The following HOXD13 variants were observed in gnomAD, a reference collection of about 807,000 sequenced individuals.
The protein encoded by HOXD13 is homeobox D13.
A neutral mutation model predicts 27.3 loss-of-function variants in HOXD13; 16 were observed. The observed-to-expected ratio is 0.59, with a 90% confidence interval of 0.40 to 0.89. The LOEUF is 0.89. Ranked by LOEUF, HOXD13 falls within the 40% of genes least tolerant of loss-of-function variation. The pLI, the probability that HOXD13 is intolerant of heterozygous loss-of-function variation, is 0.00. For missense variants in HOXD13, 481 were observed against 482.6 expected (o/e 1.00, Z 0.03); for synonymous variants, 241 against 219.0 (o/e 1.10, Z -0.89).
At position 176,095,153 on chromosome 2, in the gene HOXD13, G is replaced by A. The variant is rs1689394219; in HGVS notation, c.*423G>A. On this transcript the variant is annotated 3_prime_UTR_variant, in exon 2 of 2. Transcript: ENST00000392539. Reference sequence around the variant, plus strand: ...TCTTCATAATCCATTAGGACAGAATGGTTTTCAGTCGTTCATATCCTGTAA... The same window carrying A: ...TCTTCATAATCCATTAGGACAGAATAGTTTTCAGTCGTTCATATCCTGTAA... The A allele has an allele frequency of 3.6e-6, 1 of 275,920 alleles. No individual in the cohort carries two copies. The highest frequency in any genetic ancestry group is 6.9e-6 in the Non-Finnish European group (1 of 144,046). 17.1% of individuals were successfully genotyped at this position (275,920 alleles called of 1,614,324 possible). A position where few individuals can be genotyped will look rare whatever the true frequency, so the allele number is the denominator to read the frequency against.
upstream of HOXD13, among the ~76,000 whole-genome samples, chr2:176,090,191 C>T (rs1689298799): frequency 1.3e-5 from 2 of 152,244 alleles, no homozygotes; most frequent in Admixed American, 6.5e-5. Context: ...ACCCCCTTTC[C>T]TCAGGGCAAA....
rs1430979404 is a variant in HOXD13 at position 176,092,998 on chromosome 2, G to C, written c.108G>C (p.Ala36=). The change falls in exon 1 of 2, where the codon GCG becomes GCC. Residue 36 remains alanine (A), a synonymous_variant. Coordinates refer to ENST00000392539, the MANE Select transcript of HOXD13 (RefSeq NM_000523.4). ...CCTCATCGGTGGCGGCGGCGGCGGC[G>C]TCAGGCCAGTGCCGCGGCTTTCTCT... The part of the protein sequence containing the change: ...SSSSSVAAAA[A]SGQCRGFLSA... 2.2e-6 allele frequency: 3 copies of C among 1,368,146 alleles called. No individual in the cohort carries two copies. The highest frequency in any genetic ancestry group is 2.8e-6 in the Non-Finnish European group (3 of 1,064,936). The allele number at this position is 1,368,146 out of a possible 1,614,324, so 84.8% of individuals were successfully genotyped here. A position where few individuals can be genotyped will look rare whatever the true frequency, so the allele number is the denominator to read the frequency against.
At chr2:176,091,413 C>T (rs916059352), upstream of HOXD13, among the ~76,000 whole-genome samples, 2 of 152,136 alleles carry the variant, frequency 1.3e-5, no homozygotes, top group Non-Finnish European at 2.9e-5. Flanking sequence ...AGGCAGAGCC[C>T]CAAAGTCACA....
rs847192 is a variant in HOXD13, at chr2:176,094,351, G to A, written c.782-129G>A. ...TACATAATAAAGACCAAACAGCATG[G>A]CATTTTTTAAAAATTTCCTGCACCC... On this transcript the variant is annotated intron_variant, in intron 1 of 1. Coordinates refer to ENST00000392539, the MANE Select transcript of HOXD13 (RefSeq NM_000523.4). The A allele has an allele frequency of 3.7e-3, 3,350 of 915,172 alleles. 87 individuals carry two copies. In the African/African-American group the frequency reaches 0.05, roughly 14 times the overall value. 56.7% of individuals were successfully genotyped at this position (915,172 alleles called of 1,614,324 possible).
chr2:176,090,214 G>T (rs1462980769), upstream of HOXD13, among the ~76,000 whole-genome samples: 1 of 152,248 alleles, frequency 6.6e-6, no homozygotes, highest in East Asian at 1.9e-4. Context: ...CCTCCCACAG[G>T]GCTGGGACCC....
At position 176,094,160 on chromosome 2, in the gene HOXD13, C is replaced by T. The variant is rs576462049; in HGVS notation, c.782-320C>T. On this transcript the variant is annotated intron_variant, in intron 1 of 1. Transcript: ENST00000392539. ...TGTATGTAAGTTTGTTTTTATACAA[C>T]CGACATTTGCAGAAACTGTCCTCAT... is the stretch of plus-strand genomic sequence containing the variant. 5.9e-5 allele frequency among the ~76,000 whole-genome samples: 9 copies of T among 152,304 alleles called. No individual in the cohort carries two copies. The South Asian group carries it at 1.7e-3, about 28-fold the overall frequency.
rs1689403287 is a variant in HOXD13 at position 176,095,798 on chromosome 2, A to G, written c.*1068A>G. 9.3e-6 allele frequency: 2 copies of G among 215,596 alleles called. No homozygotes were observed. 13.4% of individuals were successfully genotyped at this position (215,596 alleles called of 1,614,324 possible). On this transcript the variant is annotated 3_prime_UTR_variant, in exon 2 of 2. Transcript: ENST00000392539. The stretch of plus-strand genomic sequence containing the variant: ...AGTGATGATAAATAATTACTTTTAA[A>G]GTGCTGCATATTTATACAATTGAGA...
rs753049145 is a variant in HOXD13, at chr2:176,093,360, C to G, written c.470C>G (p.Ala157Gly). 6.2e-7 allele frequency: 1 copy of G among 1,613,740 alleles called. No individual in the cohort carries two copies. Among genetic ancestry groups the G allele is most frequent in the African/African-American group, 1.3e-5 (1 of 74,948 alleles). The change falls in exon 1 of 2, where the codon GCC becomes GGC. Residue 157 changes from alanine to glycine, a missense_variant. Ala to Gly is a moderately conservative substitution (Grantham distance 60, BLOSUM62 0). Coordinates refer to ENST00000392539, the MANE Select transcript of HOXD13 (RefSeq NM_000523.4). ...AATGCGCTCAAGTCATCGCCGCACGCCTCGCTGGGAGGCTTTCCCGTGGAG... is the reference window on the plus strand; with the variant it reads ...AATGCGCTCAAGTCATCGCCGCACGGCTCGCTGGGAGGCTTTCCCGTGGAG... ...QQNALKSSPHASLGGFPVEKY... is the reference protein window; with the variant it reads ...QQNALKSSPHGSLGGFPVEKY...
At position 176,094,835 on chromosome 2, in the gene HOXD13, T is replaced by A. The variant is rs1005878815; in HGVS notation, c.*105T>A. 9.9e-7 allele frequency: 1 copy of A among 1,005,446 alleles called. No individual in the cohort carries two copies. The highest frequency in any genetic ancestry group is 1.4e-5 in the South Asian group (1 of 73,260). The allele number at this position is 1,005,446 out of a possible 1,614,324, so 62.3% of individuals were successfully genotyped here. A position where few individuals can be genotyped will look rare whatever the true frequency, so the allele number is the denominator to read the frequency against. The stretch of plus-strand genomic sequence containing the variant: ...TTTAATTCCCCCCACCCCCTGCCAA[T>A]GGTGGCAAATTTTGTGAATTGTTTT... On this transcript the variant is annotated 3_prime_UTR_variant, in exon 2 of 2. Coordinates refer to ENST00000392539, the MANE Select transcript of HOXD13 (RefSeq NM_000523.4).
rs199982017 is a variant in HOXD13 at position 176,094,511 on chromosome 2, C to T, written c.813C>T (p.Cys271=). The change falls in exon 2 of 2, where the codon TGC becomes TGT. Residue 271 remains cysteine, a synonymous_variant. Transcript: ENST00000392539. ...TGGCTCTAAATCAGCCGGACATGTG[C>T]GTCTACCGAAGAGGGAGGAAGAAGA... ...GDVALNQPDM[C]VYRRGRKKRV... is the part of the protein sequence containing the mutation. 3.9e-4 allele frequency: 631 copies of T among 1,613,724 alleles called. No homozygotes were observed. Among genetic ancestry groups the T allele is most frequent in the Non-Finnish European group, 4.8e-4 (572 of 1,179,924 alleles).
At chr2:176,089,749 G>A (rs1267820923), upstream of HOXD13, among the ~76,000 whole-genome samples, 2 of 152,226 alleles carry the variant, frequency 1.3e-5, no homozygotes, top group Admixed American at 1.3e-4. Flanking sequence ...GGAGAATACA[G>A]TGGGACTTTG....
chr2:176,094,821 C>A lies in HOXD13; in HGVS notation c.*91C>A. 1 of 1,165,588 alleles carries A rather than the reference C, an allele frequency of 8.6e-7. No homozygotes were observed. The highest frequency in any genetic ancestry group is 2.4e-5 in the East Asian group (1 of 42,328). The allele number at this position is 1,165,588 out of a possible 1,614,324, so 72.2% of individuals were successfully genotyped here. ...GACTTGAATATGTATTTAATTCCCC[C>A]CACCCCCTGCCAATGGTGGCAAATT... On this transcript the variant is annotated 3_prime_UTR_variant, in exon 2 of 2. Transcript: ENST00000392539.
chr2:176,088,001 C>A (rs1249651365), upstream of HOXD13, among the ~76,000 whole-genome samples: 6 of 152,258 alleles, frequency 3.9e-5, no homozygotes. Context: ...CCGGTAAAGC[C>A]GTAGCTGCAG....
chr2:176,089,924 C>G (rs1306430257), upstream of HOXD13, among the ~76,000 whole-genome samples: 3 of 152,240 alleles, frequency 2.0e-5, no homozygotes, highest in East Asian at 5.8e-4. Flanking sequence ...CACCCACACA[C>G]AAACACAAGG....
upstream of HOXD13, among the ~76,000 whole-genome samples, chr2:176,088,488 A>T (rs1361473636): frequency 6.6e-6 from 1 of 152,182 alleles, no homozygotes; most frequent in African/African-American, 2.4e-5. Context: ...ATCTAGCGCC[A>T]GGCGTGGGGA....
At chr2:176,090,180 G>T (rs1689298534), upstream of HOXD13, among the ~76,000 whole-genome samples, 1 of 152,250 alleles carries the variant, frequency 6.6e-6, no homozygotes, top group African/African-American at 2.4e-5. Flanking sequence ...GACAAAGTCA[G>T]ACCCCCTTTC....
rs1185156578 is a variant in HOXD13 at position 176,094,764 on chromosome 2, C to A, written c.*34C>A. The A allele has an allele frequency of 3.7e-6, 6 of 1,605,364 alleles. No homozygotes were observed. Among genetic ancestry groups the A allele is most frequent in the Non-Finnish European group, 4.3e-6 (5 of 1,172,192 alleles). On this transcript the variant is annotated 3_prime_UTR_variant, in exon 2 of 2. Coordinates refer to ENST00000392539, the MANE Select transcript of HOXD13 (RefSeq NM_000523.4). ...AGGTTGGCCACAGACAGCTTAGAAGCCATTCGGTTGTCTCCAAAAGGCCTT... is the reference window on the plus strand; with the variant it reads ...AGGTTGGCCACAGACAGCTTAGAAGACATTCGGTTGTCTCCAAAAGGCCTT...
Position 176,094,611 on chromosome 2 carries a change from A to T in HOXD13, c.913A>T (p.Lys305Ter), listed in dbSNP as rs1289931384. Residue 305 changes from lysine to a stop codon, truncating the protein, a stop_gained, in exon 2 of 2, where the codon AAG becomes TAG. Transcript: ENST00000392539. LOFTEE classifies it high-confidence loss of function. The part of the protein sequence containing the change: ...YAINKFINKD[K>*]RRRISAATNL... Reference sequence around the variant, plus strand: ...CATTAACAAATTCATTAACAAGGACAAGCGGCGGCGTATCTCGGCTGCTAC... The same window carrying T: ...CATTAACAAATTCATTAACAAGGACTAGCGGCGGCGTATCTCGGCTGCTAC... The T allele has an allele frequency of 6.2e-7, 1 of 1,614,190 alleles. No individual in the cohort carries two copies. Among genetic ancestry groups the T allele is most frequent in the East Asian group, 2.2e-5 (1 of 44,870 alleles).
intron 1 of HOXD13, 93 bp downstream of exon 1, chr2:176,093,764 G>A (rs1689369871): frequency 1.2e-6 from 1 of 831,026 alleles, no homozygotes; most frequent in Non-Finnish European, 1.9e-6. Flanking sequence ...ACTTGGGAGT[G>A]GGAGTTGTGC....
Sources: allele counts gnomAD v4.1 joint callset (sites outside exome capture counted in the v4.1 genomes callset), GRCh38; gene constraint gnomAD v4.1.1; transcripts MANE v1.5; gene names NCBI Gene and HGNC (gene_info 2026-07-23, HGNC 2026-07-21).